The following DCBLD1 variants were observed in gnomAD, a reference collection of about 807,000 sequenced individuals.
DCBLD1 encodes the protein discoidin, CUB and LCCL domain containing 1, also known as discoidin, CUB and LCCL domain-containing protein 1.
DCBLD1 carries 57 observed loss-of-function variants against 71.5 expected under a neutral mutation model. That is an observed-to-expected ratio of 0.80 (90% confidence interval 0.64 to 0.99). The LOEUF (loss-of-function observed/expected upper bound fraction) is 0.99, where lower values mean the gene tolerates loss of function less well. DCBLD1 is among the 50% of genes least tolerant of loss of function. The probability of loss-of-function intolerance (pLI) is 0.00; values close to 1 mark genes in which losing one functional copy is unlikely to be tolerated. For synonymous variants in DCBLD1, 380 were observed against 363.8 expected (o/e 1.04, Z -0.51); for missense variants, 891 against 923.5 (o/e 0.96, Z 0.46).
At chr6:117,516,189 T>TAA (rs75487224) in intron 2 of DCBLD1, among the ~76,000 whole-genome samples, 2 of 140,340 alleles carry the variant, frequency 1.4e-5, no homozygotes, top group Admixed American at 7.2e-5. Context: ...CCATCTCTAC[T>TAA]AAAAAAAAAA....
intron 10 of DCBLD1, 41 bp downstream of exon 10, chr6:117,540,856 C>T: frequency 6.2e-7 from 1 of 1,613,976 alleles, no homozygotes; most frequent in Non-Finnish European, 8.5e-7. Context: ...CAAGTTTGGT[C>T]ATATTTTTTT....
chr6:117,491,076 C>T (rs1201095634), intron 1 of DCBLD1, among the ~76,000 whole-genome samples: 1 of 152,164 alleles, frequency 6.6e-6, no homozygotes, highest in Non-Finnish European at 1.5e-5. Context: ...AGATAAACAT[C>T]TATGTGTTTG....
chr6:117,520,170 G>T (rs1332423379), intron 3 of DCBLD1, among the ~76,000 whole-genome samples: 1 of 152,150 alleles, frequency 6.6e-6, no homozygotes, highest in African/African-American at 2.4e-5. Flanking sequence ...CACATTAGAA[G>T]AAGAATTGTC....
chr6:117,523,298 C>A (rs1042281179), intron 4 of DCBLD1, among the ~76,000 whole-genome samples: 1 of 152,100 alleles, frequency 6.6e-6, no homozygotes, highest in Non-Finnish European at 1.5e-5. Context: ...GTCCACAAGC[C>A]CTCATCCATA....
At chr6:117,531,977 C>G (rs538237807) in intron 5 of DCBLD1, among the ~76,000 whole-genome samples, 2 of 152,310 alleles carry the variant, frequency 1.3e-5, no homozygotes, top group South Asian at 2.1e-4. Flanking sequence ...TGGAATCACT[C>G]TTGTGGCTGC....
chr6:117,554,389 T>C (rs542264854), downstream of DCBLD1, among the ~76,000 whole-genome samples: 1 of 152,276 alleles, frequency 6.6e-6, no homozygotes, highest in Non-Finnish European at 1.5e-5. Context: ...TTCCTTTTTT[T>C]CCCCCTCACA....
chr6:117,492,632 C>A (rs761868084), intron 1 of DCBLD1, among the ~76,000 whole-genome samples: 7 of 152,144 alleles, frequency 4.6e-5, no homozygotes, highest in Non-Finnish European at 1.0e-4. Flanking sequence ...TGGTAGCTAA[C>A]CATTGCTTTT....
rs377384320 is a variant in DCBLD1, at chr6:117,538,667, T to C, written c.808T>C (p.Ser270Pro). The C allele has an allele frequency of 6.2e-7, 1 of 1,614,192 alleles. No individual in the cohort carries two copies. Among genetic ancestry groups the C allele is most frequent in the African/African-American group, 1.3e-5 (1 of 75,034 alleles). Reference sequence around the variant, plus strand: ...TGAACCTGACGGGCAAATCAGAGCTTCTTCCTCATGGCAGTCGGTCAATGA... The same window carrying C: ...TGAACCTGACGGGCAAATCAGAGCTCCTTCCTCATGGCAGTCGGTCAATGA... ...SFEPDGQIRA[S>P]SSWQSVNESG... Residue 270 changes from serine to proline, a missense_variant, in exon 8 of 15, where the codon TCT (serine) becomes CCT (proline). Coordinates refer to ENST00000338728, the MANE Select transcript of DCBLD1 (RefSeq NM_001366458.2).
intron 14 of DCBLD1, among the ~76,000 whole-genome samples, chr6:117,555,591 G>A (rs767685487): frequency 3.9e-5 from 6 of 152,164 alleles, no homozygotes; most frequent in African/African-American, 7.2e-5. Flanking sequence ...AACTTATTCC[G>A]TATTTGGTGG....
chr6:117,546,675 C>T (rs762083139), intron 14 of DCBLD1, among the ~76,000 whole-genome samples: 7 of 152,078 alleles, frequency 4.6e-5, no homozygotes, highest in Non-Finnish European at 8.8e-5. Context: ...TGCAATGACC[C>T]GGGTTCTGTC....
chr6:117,538,678 G>A lies in DCBLD1; in HGVS notation c.819G>A (p.Trp273Ter). The change falls in exon 8 of 15, where the codon TGG becomes TGA. Residue 273 changes from tryptophan (W) to a stop codon, truncating the protein, a stop_gained. Transcript: ENST00000338728. LOFTEE classifies it high-confidence loss of function. ...GGCAAATCAGAGCTTCTTCCTCATGGCAGTCGGTCAATGAGAGTGGAGACC... is the reference window on the plus strand; with the variant it reads ...GGCAAATCAGAGCTTCTTCCTCATGACAGTCGGTCAATGAGAGTGGAGACC... Reference protein sequence around the residue: ...PDGQIRASSSWQSVNESGDQV... With the variant: ...PDGQIRASSS The A allele has an allele frequency of 6.2e-7, 1 of 1,614,082 alleles. No individual in the cohort carries two copies. The highest frequency in any genetic ancestry group is 8.5e-7 in the Non-Finnish European group (1 of 1,180,040).
intron 2 of DCBLD1, among the ~76,000 whole-genome samples, chr6:117,507,586 A>G (rs1233857207): frequency 6.6e-6 from 1 of 152,226 alleles, no homozygotes; most frequent in Admixed American, 6.5e-5. Context: ...ACTATAGCTA[A>G]GGGAATTCTA....
chr6:117,497,674 G>A (rs2114399462), intron 1 of DCBLD1, among the ~76,000 whole-genome samples: 1 of 152,204 alleles, frequency 6.6e-6, no homozygotes, highest in South Asian at 2.1e-4. Context: ...TCTCTTGACT[G>A]GACTTCTTGA....
At chr6:117,518,987 T>G (rs776230821) in intron 2 of DCBLD1, among the ~76,000 whole-genome samples, 3 of 152,210 alleles carry the variant, frequency 2.0e-5, no homozygotes, top group Non-Finnish European at 2.9e-5. Context: ...CCATACTGTT[T>G]TTGAGAAAAG....
At chr6:117,535,306 A>G (rs1014296269) in intron 6 of DCBLD1, among the ~76,000 whole-genome samples, 2 of 152,222 alleles carry the variant, frequency 1.3e-5, no homozygotes, top group African/African-American at 4.8e-5. Context: ...CGATGGTGCT[A>G]ACCATCAGAA....
chr6:117,489,026 G>A (rs1464311674), intron 1 of DCBLD1, among the ~76,000 whole-genome samples: 1 of 152,118 alleles, frequency 6.6e-6, no homozygotes, highest in Non-Finnish European at 1.5e-5. Context: ...CTTGTGTCTT[G>A]TATATAATTA....
Position 117,482,850 on chromosome 6 carries a change from G to C in DCBLD1, c.69G>C (p.Leu23=). ...RAAGRGLLAL[L]LAVSAPLRLQ... Reference sequence around the variant, plus strand: ...CCGGGCGGGGCCTCCTGGCTTTGCTGCTCGCGGTCTCCGCCCCGCTCCGGC... The same window carrying C: ...CCGGGCGGGGCCTCCTGGCTTTGCTCCTCGCGGTCTCCGCCCCGCTCCGGC... Residue 23 remains leucine (L), a synonymous_variant, in exon 1 of 15, where the codon CTG becomes CTC. Transcript: ENST00000338728. 1 of 1,184,036 alleles carries C rather than the reference G, an allele frequency of 8.4e-7. No individual in the cohort carries two copies. Among genetic ancestry groups the C allele is most frequent in the Non-Finnish European group, 1.0e-6 (1 of 957,672 alleles). The allele number at this position is 1,184,036 out of a possible 1,614,324, so 73.3% of individuals were successfully genotyped here.
At chr6:117,534,671 CTATT>C (rs1310423541) in intron 6 of DCBLD1, among the ~76,000 whole-genome samples, 3 of 151,918 alleles carry the variant, frequency 2.0e-5, no homozygotes, top group Admixed American at 6.6e-5. Flanking sequence ...ATTATTAAAA[CTATT>C]TAATAAATTA....
rs1777022688 is a variant in DCBLD1 at position 117,484,645 on chromosome 6, A to C, written c.112+1752A>C. Among the ~76,000 whole-genome samples, 4 of 152,138 alleles carry C rather than the reference A, an allele frequency of 2.6e-5. No individual in the cohort carries two copies. In the South Asian group the frequency reaches 8.3e-4, roughly 31 times the overall value. On this transcript the variant is annotated intron_variant, in intron 1 of 14. Coordinates refer to ENST00000338728, the MANE Select transcript of DCBLD1 (RefSeq NM_001366458.2). ...ACTACAGGCATGTGTGGTTGCTTAG[A>C]TTCTTACTGGGCTTCAAATCTTTAT...
Sources: gnomAD v4.1 joint callset for allele counts (sites outside exome capture counted in the v4.1 genomes callset) on GRCh38, gnomAD v4.1.1 for gene constraint, MANE v1.5 for transcripts, NCBI Gene and HGNC (gene_info 2026-07-23, HGNC 2026-07-21) for gene names.